The following TMC1 variants were observed in gnomAD, a reference collection of about 807,000 sequenced individuals.
TMC1 encodes transmembrane channel like 1, also known as transmembrane channel-like protein 1.
In TMC1, 84 loss-of-function variants were observed where a neutral mutation model predicts 105.8. The ratio of observed to expected loss-of-function variants is 0.79; its 90% CI spans 0.67 to 0.95. TMC1 has a LOEUF of 0.95. Ranked by LOEUF, TMC1 falls within the 40% of genes least tolerant of loss-of-function variation. The pLI is 0.00. For synonymous variants in TMC1, 315 were observed against 311.5 expected (o/e 1.01, Z -0.12); for missense variants, 817 against 914.1 (o/e 0.89, Z 1.37).
At chr9:72,579,588 A>G (rs1426614529) in intron 2 of TMC1, among the ~76,000 whole-genome samples, 1 of 152,042 alleles carries the variant, frequency 6.6e-6, no homozygotes, top group African/African-American at 2.4e-5. Context: ...TCATGATTCT[A>G]TTTTCCCTAT....
chr9:72,827,032 A>G (rs1828968360), intron 21 of TMC1, 38 bp downstream of exon 21: 2 of 1,613,338 alleles, frequency 1.2e-6, no homozygotes, highest in East Asian at 4.5e-5. Context: ...AGCCTCTGTG[A>G]TGTTCTTCCT....
intron 8 of TMC1, among the ~76,000 whole-genome samples, chr9:72,731,919 T>C (rs993435712): frequency 4.6e-5 from 7 of 152,220 alleles, no homozygotes; most frequent in Non-Finnish European, 8.8e-5. Flanking sequence ...ACTTTTACTA[T>C]TCTTGTTTGT....
At chr9:72,546,677 A>G (rs1587949238) in intron 1 of TMC1, among the ~76,000 whole-genome samples, 3 of 152,246 alleles carry the variant, frequency 2.0e-5, no homozygotes, top group African/African-American at 7.2e-5. Context: ...TGAACACAGA[A>G]TTTTAAAGCA....
At chr9:72,615,594 C>T (rs1307111079) in intron 2 of TMC1, among the ~76,000 whole-genome samples, 5 of 152,142 alleles carry the variant, frequency 3.3e-5, no homozygotes, top group South Asian at 2.1e-4. Context: ...AATGTCTTTT[C>T]GACTTCAATG....
At chr9:72,725,356 T>C (rs1344313446) in intron 8 of TMC1, among the ~76,000 whole-genome samples, 5 of 81,714 alleles carry the variant, frequency 6.1e-5, no homozygotes, top group East Asian at 5.6e-4. Flanking sequence ...TATATATATA[T>C]ATATATATAT....
intron 2 of TMC1, among the ~76,000 whole-genome samples, chr9:72,603,298 T>C (rs1356812642): frequency 1.3e-5 from 2 of 152,080 alleles, no homozygotes; most frequent in African/African-American, 2.4e-5. Context: ...TGCTTAGTTT[T>C]CTGGCTCTTT....
chr9:72,770,419 G>C (rs1459535680), intron 12 of TMC1, among the ~76,000 whole-genome samples: 2 of 120,470 alleles, frequency 1.7e-5, no homozygotes, highest in Non-Finnish European at 3.5e-5. Context: ...AATTTGTTGG[G>C]TTTTTTTTTT....
chr9:72,626,170 C>T (rs1825343853), intron 3 of TMC1, among the ~76,000 whole-genome samples: 7 of 152,150 alleles, frequency 4.6e-5, no homozygotes, highest in Admixed American at 3.9e-4. Context: ...ACTGTCTGAC[C>T]ACAACTGCAT....
rs73647681 is a variant in TMC1, at chr9:72,644,732, A to G, written c.-52-3865A>G. On this transcript the variant is annotated intron_variant, in intron 4 of 23. Transcript: ENST00000297784. Reference sequence around the variant, plus strand: ...AAGGTTGCATTTTCCTATTCCAAGTAATTTGCATTAATCAAAAAGTACATG... The same window carrying G: ...AAGGTTGCATTTTCCTATTCCAAGTGATTTGCATTAATCAAAAAGTACATG... Among the ~76,000 whole-genome samples, 468 of 152,314 alleles carry G rather than the reference A, an allele frequency of 3.1e-3. 3 individuals are homozygous for G. Among genetic ancestry groups the G allele is most frequent in the African/African-American group, 0.011 (451 of 41,574 alleles).
At chr9:72,685,508 C>T (rs1348342900) in intron 5 of TMC1, among the ~76,000 whole-genome samples, 2 of 151,886 alleles carry the variant, frequency 1.3e-5, no homozygotes, top group South Asian at 2.1e-4. Flanking sequence ...GGATTACAGG[C>T]GCCTGCCACC....
intron 1 of TMC1, among the ~76,000 whole-genome samples, chr9:72,547,383 CA>C (rs1036029498): frequency 2.0e-5 from 3 of 151,662 alleles, no homozygotes; most frequent in Admixed American, 1.3e-4. Flanking sequence ...GAAACATTTC[CA>C]AAACAGTGGA....
In TMC1 at chr9:72,748,319, T is replaced by G. The variant is rs73647818; in HGVS notation, c.536-3531T>G. Reference sequence around the variant, plus strand: ...CATTAAATAAGTTAATACATATAGATCAAATTGGTGTTTGAAACAGTGATT... The same window carrying G: ...CATTAAATAAGTTAATACATATAGAGCAAATTGGTGTTTGAAACAGTGATT... On this transcript the variant is annotated intron_variant, in intron 10 of 23. Transcript: ENST00000297784. 2.2e-3 allele frequency among the ~76,000 whole-genome samples: 338 copies of G among 152,298 alleles called. 3 individuals are homozygous for G. The highest frequency in any genetic ancestry group is 7.8e-3 in the African/African-American group (326 of 41,566).
Position 72,742,527 on chromosome 9 carries a change from TA to T in TMC1, c.535+4del, listed in dbSNP as rs772364280. Reference sequence around the variant, plus strand: ...AAAATAAAATCAAGGCTATTGAAAGTAAGTCCTTATCAGATCTCAGGTGGAG... The same window carrying T: ...AAAATAAAATCAAGGCTATTGAAAGTAGTCCTTATCAGATCTCAGGTGGAG... On this transcript the variant is annotated splice_donor_region_variant and intron_variant, in intron 10 of 23. Transcript: ENST00000297784. 4 of 1,612,356 alleles carry T rather than the reference TA, an allele frequency of 2.5e-6. No homozygotes were observed. In the Admixed American group the frequency reaches 6.7e-5, roughly 27 times the overall value.
chr9:72,633,373 A>G (rs1333077418), intron 4 of TMC1, among the ~76,000 whole-genome samples: 6 of 152,200 alleles, frequency 3.9e-5, no homozygotes, highest in African/African-American at 1.4e-4. Flanking sequence ...GTGATTTTAA[A>G]TAATGTAGCC....
At chr9:72,795,461 T>C (rs1828348474) in intron 17 of TMC1, among the ~76,000 whole-genome samples, 2 of 152,040 alleles carry the variant, frequency 1.3e-5, no homozygotes, top group Admixed American at 6.6e-5. Flanking sequence ...GCTGAAACCC[T>C]ACAAGCCAGA....
At chr9:72,561,724 G>A (rs1208844037) in intron 1 of TMC1, among the ~76,000 whole-genome samples, 3 of 152,260 alleles carry the variant, frequency 2.0e-5, no homozygotes, top group East Asian at 1.9e-4. Context: ...TTCAGAACTG[G>A]GATTTAAATC....
At chr9:72,735,304 C>A (rs1827279319) in intron 8 of TMC1, among the ~76,000 whole-genome samples, 2 of 152,068 alleles carry the variant, frequency 1.3e-5, no homozygotes, top group African/African-American at 4.8e-5. Context: ...TGGTTTGAGG[C>A]CAACAGATAT....
chr9:72,618,085 G>A (rs1825169752), intron 3 of TMC1, among the ~76,000 whole-genome samples: 1 of 140,010 alleles, frequency 7.1e-6, no homozygotes, highest in Admixed American at 7.8e-5. Flanking sequence ...CTGGAGTGCA[G>A]TCGCTTGATC....
At chr9:72,694,483 G>A in intron 6 of TMC1, 60 bp from the exon 7 acceptor site, 1 of 1,479,654 alleles carries the variant, frequency 6.8e-7, no homozygotes, top group Non-Finnish European at 9.4e-7. Flanking sequence ...CTAAGAATAA[G>A]CTTGGTAGTG....
Sources: allele counts gnomAD v4.1 joint callset (sites outside exome capture counted in the v4.1 genomes callset), GRCh38; gene constraint gnomAD v4.1.1; transcripts MANE v1.5; gene names NCBI Gene and HGNC (gene_info 2026-07-23, HGNC 2026-07-21).